Variants in UBAP2 observed in about 807,000 individuals in gnomAD.
The protein encoded by UBAP2 is ubiquitin associated protein 2.
Under a neutral mutation model 139.6 loss-of-function variants are expected in UBAP2, and 75 were observed. The ratio of observed to expected loss-of-function variants is 0.54; its 90% confidence interval spans 0.45 to 0.65. UBAP2 has a LOEUF of 0.65. UBAP2 is among the 30% of genes least tolerant of loss of function. The pLI is 0.00. For synonymous variants in UBAP2, 526 were observed against 526.2 expected (o/e 1.00, Z 0.01); for missense variants, 1,368 against 1,369.6 (o/e 1.00, Z 0.02).
At chr9:33,955,475 G>A (rs1326505888) in intron 11 of UBAP2, among the ~76,000 whole-genome samples, 3 of 151,248 alleles carry the variant, frequency 2.0e-5, no homozygotes, top group Admixed American at 6.6e-5. Context: ...AGCCGAGATC[G>A]TGCCACTGCA....
At chr9:34,039,847 T>TAAAAAAAA (rs74180526) in intron 1 of UBAP2, among the ~76,000 whole-genome samples, 42 of 84,398 alleles carry the variant, frequency 5.0e-4, no homozygotes, top group Non-Finnish European at 7.2e-4. Flanking sequence ...CAATAAATAC[T>TAAAAAAAA]AAAAAAAAAA....
intron 4 of UBAP2, among the ~76,000 whole-genome samples, chr9:33,993,024 A>G (rs1472469451): frequency 6.6e-6 from 1 of 152,232 alleles, no homozygotes; most frequent in Non-Finnish European, 1.5e-5. Context: ...AGTTAAGTAC[A>G]TTAATTCAAG....
intron 1 of UBAP2, among the ~76,000 whole-genome samples, chr9:34,028,503 C>T (rs2016791): frequency 0.25 from 37,699 of 151,702 alleles, 5,529 homozygotes; most frequent in East Asian, 0.59. Context: ...CCTCAGCCTC[C>T]CAAGTAGCTG....
chr9:33,933,738 C>T (rs1195544486), intron 17 of UBAP2, 110 bp from the exon 18 acceptor site: 10 of 1,467,716 alleles, frequency 6.8e-6, no homozygotes, highest in Admixed American at 4.0e-5. Flanking sequence ...TCAGTTGAGA[C>T]GTCCATAAAG....
intron 12 of UBAP2, chr9:33,949,016 A>C (rs1335773999): frequency 6.2e-6 from 1 of 160,072 alleles, no homozygotes; most frequent in Admixed American, 6.1e-5. Context: ...AATACAAAAA[A>C]ATTAGCCGGG....
At chr9:34,018,909 A>T (rs935712961) in intron 1 of UBAP2, among the ~76,000 whole-genome samples, 1 of 152,002 alleles carries the variant, frequency 6.6e-6, no homozygotes, top group African/African-American at 2.4e-5. Context: ...TTAATTAATT[A>T]AAAAGCACCA....
At chr9:34,021,967 A>C (rs887698482) in intron 1 of UBAP2, among the ~76,000 whole-genome samples, 4 of 152,150 alleles carry the variant, frequency 2.6e-5, no homozygotes, top group African/African-American at 9.7e-5. Context: ...CCTTCAGGCC[A>C]GGCACCGTGG....
intron 11 of UBAP2, 67 bp from the exon 12 acceptor site, chr9:33,953,541 G>A: frequency 1.4e-6 from 2 of 1,477,192 alleles, no homozygotes; most frequent in East Asian, 2.3e-5. Flanking sequence ...AATGTGAGAA[G>A]TCAATCAATA....
intron 2 of UBAP2, among the ~76,000 whole-genome samples, chr9:34,013,433 G>A (rs182354238): frequency 2.7e-4 from 41 of 151,500 alleles, no homozygotes; most frequent in African/African-American, 9.9e-4. Flanking sequence ...AGAGGTTGCA[G>A]TGAGCTGACA....
chr9:33,927,769 G>A (rs1015132989), intron 20 of UBAP2, 28 bp downstream of exon 20: 2 of 1,584,616 alleles, frequency 1.3e-6, no homozygotes, highest in Non-Finnish European at 1.7e-6. Context: ...GCTCAGGGGT[G>A]GGCAGGAAAG....
intron 2 of UBAP2, among the ~76,000 whole-genome samples, chr9:34,002,699 G>A (rs1475744409): frequency 1.3e-5 from 2 of 151,618 alleles, no homozygotes; most frequent in Non-Finnish European, 2.9e-5. Context: ...TTAAGCTAGG[G>A]TTTCATTGTG....
At chr9:34,045,317 A>G (rs1827478166) in intron 1 of UBAP2, among the ~76,000 whole-genome samples, 1 of 151,690 alleles carries the variant, frequency 6.6e-6, no homozygotes, top group African/African-American at 2.4e-5. Context: ...CTGCACTCCA[A>G]TTTGGGCAAC....
chr9:33,973,588 AAG>A (rs1828070019), intron 6 of UBAP2, among the ~76,000 whole-genome samples: 1 of 152,246 alleles, frequency 6.6e-6, no homozygotes, highest in Admixed American at 6.5e-5. Context: ...GAGAACCAGA[AAG>A]AGGAAAATGC....
chr9:34,007,576 A>AT, intron 2 of UBAP2, among the ~76,000 whole-genome samples: 1 of 150,558 alleles, frequency 6.6e-6, no homozygotes, highest in Non-Finnish European at 1.5e-5. Flanking sequence ...GGGATGTTGA[A>AT]TTTTTTCACA....
chr9:33,922,699 CG>C lies in UBAP2; in HGVS notation c.3251del (p.Pro1084ArgfsTer127), dbSNP rs1564012312. The C allele has an allele frequency of 2.8e-5, 44 of 1,550,356 alleles. No individual in the cohort carries two copies. The highest frequency in any genetic ancestry group is 3.8e-5 in the Non-Finnish European group (44 of 1,148,706). Reference sequence around the variant, plus strand: ...TCACTGTACTCACCTGTGCATCCTGCGGAAGGTGGTGGTGCAGCAGCTGTGA... The same window carrying C: ...TCACTGTACTCACCTGTGCATCCTGCGAAGGTGGTGGTGCAGCAGCTGTGA... ...PHSQLLHHHL[P>X]QDAQSGSGQR... On this transcript the variant is annotated frameshift_variant, in exon 28 of 29. Transcript: ENST00000379238. LOFTEE classifies it high-confidence loss of function.
chr9:33,981,515 C>T (rs1386468187), intron 6 of UBAP2, among the ~76,000 whole-genome samples: 3 of 145,106 alleles, frequency 2.1e-5, no homozygotes, highest in African/African-American at 7.7e-5. Context: ...ATCATCATGC[C>T]CGGCTAATTT....
chr9:34,035,639 C>T (rs1053075151), intron 1 of UBAP2, among the ~76,000 whole-genome samples: 11 of 149,414 alleles, frequency 7.4e-5, no homozygotes, highest in African/African-American at 2.2e-4. Flanking sequence ...GAGTCGAGAT[C>T]GTGCTACTGT....
chr9:33,964,124 C>A (rs1478466135), intron 8 of UBAP2, among the ~76,000 whole-genome samples: 1 of 152,118 alleles, frequency 6.6e-6, no homozygotes, highest in Non-Finnish European at 1.5e-5. Flanking sequence ...TGAGTATACA[C>A]AAGTCTTTCT....
chr9:34,035,514 A>AAAAAAAAAAATATATATAT, intron 1 of UBAP2, among the ~76,000 whole-genome samples: 3 of 22,488 alleles, frequency 1.3e-4, no homozygotes, highest in Admixed American at 6.9e-4. Context: ...AAAAAAAAAA[A>AAAAAAAAAAATATATATAT]ATATATATAT....
Sources: allele counts gnomAD v4.1 joint callset (sites outside exome capture counted in the v4.1 genomes callset), GRCh38; gene constraint gnomAD v4.1.1; transcripts MANE v1.5; gene names NCBI Gene and HGNC (gene_info 2026-07-23, HGNC 2026-07-21).